WDFY1: variants seen among roughly 807,000 people sequenced by gnomAD.
WDFY1 encodes the protein WD repeat and FYVE domain containing 1.
WDFY1 carries 32 observed loss-of-function variants against 56.4 expected under a neutral mutation model. The ratio of observed to expected loss-of-function variants is 0.57; its 90% CI spans 0.43 to 0.76. The LOEUF (loss-of-function observed/expected upper bound fraction) is 0.76. WDFY1 is among the 30% of genes least tolerant of loss of function. The probability of loss-of-function intolerance (pLI) is 0.00; values close to 1 mark genes in which losing one functional copy is unlikely to be tolerated. For synonymous variants in WDFY1, 192 were observed against 197.3 expected (o/e 0.97, Z 0.23); for missense variants, 480 against 545.7 (o/e 0.88, Z 1.20).
At chr2:223,926,515 G>C (rs1435433972) in intron 1 of WDFY1, among the ~76,000 whole-genome samples, 5 of 151,694 alleles carry the variant, frequency 3.3e-5, no homozygotes, top group Admixed American at 2.0e-4. Flanking sequence ...GTATTAGCAG[G>C]CATGAAAAAC....
chr2:223,919,434 C>T (rs1452697971), intron 1 of WDFY1, among the ~76,000 whole-genome samples: 2 of 152,246 alleles, frequency 1.3e-5, no homozygotes, highest in African/African-American at 4.8e-5. Flanking sequence ...TGGTCACTAA[C>T]TCCTGACCTC....
intron 4 of WDFY1, among the ~76,000 whole-genome samples, chr2:223,905,026 A>T (rs1209336764): frequency 6.6e-6 from 1 of 152,232 alleles, no homozygotes; most frequent in Non-Finnish European, 1.5e-5. Context: ...CCCTGGGAAT[A>T]TGCGTAAAAT....
chr2:223,894,820 C>G (rs1308734403), intron 7 of WDFY1, among the ~76,000 whole-genome samples: 1 of 152,182 alleles, frequency 6.6e-6, no homozygotes, highest in Non-Finnish European at 1.5e-5. Flanking sequence ...GCCTGTCATA[C>G]TACCCCTTAG....
intron 3 of WDFY1, 21 bp from the exon 4 acceptor site, chr2:223,906,022 T>TA (rs1311616273): frequency 6.6e-7 from 1 of 1,512,344 alleles, no homozygotes; most frequent in Non-Finnish European, 8.9e-7. Flanking sequence ...ATGCACAAAA[T>TA]AAAAAATTAA....
chr2:223,876,031 T>C lies in WDFY1; in HGVS notation c.*2640A>G, dbSNP rs1215323842. On this transcript the variant is annotated 3_prime_UTR_variant, in exon 12 of 12. Coordinates refer to ENST00000233055, the MANE Select transcript of WDFY1 (RefSeq NM_020830.5). ...TAGGTAGCAGGACAGAGCTAGGACATAGTAAAGAGATTTACGATGTAATGA... is the reference window on the plus strand; with the variant it reads ...TAGGTAGCAGGACAGAGCTAGGACACAGTAAAGAGATTTACGATGTAATGA... The C allele has an allele frequency of 2.0e-5, 3 of 152,254 alleles. No individual in the cohort carries two copies. The highest frequency in any genetic ancestry group is 4.4e-5 in the Non-Finnish European group (3 of 68,020). 9.4% of individuals were successfully genotyped at this position (152,254 alleles called of 1,614,324 possible).
At chr2:223,926,950 C>G (rs10737942) in intron 1 of WDFY1, among the ~76,000 whole-genome samples, 131,608 of 152,214 alleles carry the variant, frequency 0.86, 57,370 homozygotes, top group Non-Finnish European at 0.93. Context: ...TTACAGGTGT[C>G]AGCCACCGTT....
chr2:223,892,828 A>G (rs1350870291), intron 8 of WDFY1, among the ~76,000 whole-genome samples: 1 of 152,242 alleles, frequency 6.6e-6, no homozygotes, highest in Non-Finnish European at 1.5e-5. Context: ...CACAGTAGGT[A>G]CTGCAATGCA....
intron 6 of WDFY1, among the ~76,000 whole-genome samples, chr2:223,896,723 C>A (rs957185617): frequency 6.6e-6 from 1 of 152,150 alleles, no homozygotes; most frequent in East Asian, 1.9e-4. Flanking sequence ...CAAACAGAAA[C>A]TACTTTATCA....
At chr2:223,905,558 T>C (rs991292509) in intron 4 of WDFY1, among the ~76,000 whole-genome samples, 1 of 152,010 alleles carries the variant, frequency 6.6e-6, no homozygotes, top group African/African-American at 2.4e-5. Flanking sequence ...CAGTGGAGAA[T>C]ACCCACACAC....
rs678746 is a variant in WDFY1 at position 223,877,276 on chromosome 2, T to C, written c.*1395A>G. ...ATGGAATGACCCTATTGTCCTGGTA[T>C]GATCCCAACACAGTGATGCAGTACT... On this transcript the variant is annotated 3_prime_UTR_variant, in exon 12 of 12. Transcript: ENST00000233055. 136,722 of 151,902 alleles carry C rather than the reference T, an allele frequency of 0.9. 61,912 individuals are homozygous for C. Among genetic ancestry groups the C allele is most frequent in the South Asian group, 0.96 (4,631 of 4,804 alleles). 9.4% of individuals were successfully genotyped at this position (151,902 alleles called of 1,614,324 possible).
intron 1 of WDFY1, among the ~76,000 whole-genome samples, chr2:223,931,587 G>A (rs1694073415): frequency 1.3e-5 from 2 of 152,124 alleles, no homozygotes; most frequent in Admixed American, 1.3e-4. Flanking sequence ...CCACAATACA[G>A]TAGGAGCAAA....
intron 1 of WDFY1, among the ~76,000 whole-genome samples, chr2:223,918,789 T>G (rs1043601726): frequency 6.6e-6 from 1 of 152,120 alleles, no homozygotes. Flanking sequence ...AAGAGGCTCA[T>G]GGAGGAGTGG....
In WDFY1 at chr2:223,888,586, AT is replaced by A. The variant is rs71058954; in HGVS notation, c.832-3838del. Reference sequence around the variant, plus strand: ...CAGATAAGCCATTTTTAAATTCTCAATTTTTTTTTTTTTTTTTTGAGACAGA... The same window carrying A: ...CAGATAAGCCATTTTTAAATTCTCAATTTTTTTTTTTTTTTTTGAGACAGA... On this transcript the variant is annotated intron_variant, in intron 8 of 11. Transcript: ENST00000233055. 5.2e-3 allele frequency among the ~76,000 whole-genome samples: 684 copies of A among 131,378 alleles called. 9 individuals are homozygous for A. The highest frequency in any genetic ancestry group is 0.018 in the African/African-American group (636 of 34,928). 86.2% of individuals were successfully genotyped at this position (131,378 alleles called of 152,430 possible). A position where few individuals can be genotyped will look rare whatever the true frequency, so the allele number is the denominator to read the frequency against.
chr2:223,905,823 C>A lies in WDFY1; in HGVS notation c.334+124G>T, dbSNP rs73994417. ...ATATCACTAAAAGACAAGTCTCTTGCATAGTGGGGGTAACAAAACTAAAAA... is the reference window on the plus strand; with the variant it reads ...ATATCACTAAAAGACAAGTCTCTTGAATAGTGGGGGTAACAAAACTAAAAA... On this transcript the variant is annotated intron_variant, in intron 4 of 11. Transcript: ENST00000233055. 5.0e-3 allele frequency: 3,078 copies of A among 617,264 alleles called. 45 individuals are homozygous for A. Among genetic ancestry groups the A allele is most frequent in the African/African-American group, 0.042 (2,204 of 52,004 alleles). The allele number at this position is 617,264 out of a possible 1,614,324, so 38.2% of individuals were successfully genotyped here.
chr2:223,911,120 T>C (rs367894125), intron 3 of WDFY1, among the ~76,000 whole-genome samples: 2 of 152,186 alleles, frequency 1.3e-5, no homozygotes, highest in Non-Finnish European at 2.9e-5. Context: ...GAAAACATTA[T>C]GTTAAGTGAA....
chr2:223,881,634 A>C (rs1202678275), intron 10 of WDFY1, among the ~76,000 whole-genome samples: 1 of 152,048 alleles, frequency 6.6e-6, no homozygotes, highest in African/African-American at 2.4e-5. Flanking sequence ...TACTAAAACT[A>C]CAAAAATTAG....
chr2:223,903,659 TTTA>T (rs1290595372), intron 4 of WDFY1, among the ~76,000 whole-genome samples: 4 of 150,722 alleles, frequency 2.7e-5, no homozygotes, highest in African/African-American at 7.4e-5. Context: ...TTTTTTTTTT[TTTA>T]AAAAAAGGGA....
In WDFY1 at chr2:223,880,001, T is replaced by C. The variant is rs914673017; in HGVS notation, c.1173+123A>G. 5.8e-6 allele frequency: 5 copies of C among 866,038 alleles called. No individual in the cohort carries two copies. In the East Asian group the frequency reaches 1.2e-4, roughly 21 times the overall value. 53.6% of individuals were successfully genotyped at this position (866,038 alleles called of 1,614,324 possible). Reference sequence around the variant, plus strand: ...GGCAAGCAATTTGTTACTCAAGGTTTTAAACTGGCAATCATTTGCTTATAA... The same window carrying C: ...GGCAAGCAATTTGTTACTCAAGGTTCTAAACTGGCAATCATTTGCTTATAA... On this transcript the variant is annotated intron_variant, in intron 11 of 11. Transcript: ENST00000233055.
chr2:223,938,501 A>C (rs1448850750), intron 1 of WDFY1, among the ~76,000 whole-genome samples: 1 of 152,172 alleles, frequency 6.6e-6, no homozygotes, highest in Admixed American at 6.5e-5. Flanking sequence ...TCAAATTCTT[A>C]AACTTAAATT....
Sources: gnomAD v4.1 joint callset for allele counts (sites outside exome capture counted in the v4.1 genomes callset) on GRCh38, gnomAD v4.1.1 for gene constraint, MANE v1.5 for transcripts, NCBI Gene and HGNC (gene_info 2026-07-23, HGNC 2026-07-21) for gene names.